RAD9B: variants seen among roughly 807,000 people sequenced by gnomAD.
RAD9B encodes RAD9 checkpoint clamp component B, also known as cell cycle checkpoint control protein RAD9B.
A neutral mutation model predicts 48.3 loss-of-function variants in RAD9B; 41 were observed. The observed-to-expected ratio is 0.85, with a 90% confidence interval of 0.66 to 1.10. The LOEUF (loss-of-function observed/expected upper bound fraction) is 1.10. Ranked by LOEUF, RAD9B falls within the 50% of genes least tolerant of loss-of-function variation. The pLI, the probability that RAD9B is intolerant of heterozygous loss-of-function variation, is 0.00. For synonymous variants in RAD9B, 160 were observed against 157.9 expected, an observed-to-expected ratio of 1.01 and a Z score of -0.10; for missense variants, 444 against 485.1, an observed-to-expected ratio of 0.92 and a Z score of 0.80.
intron 3 of RAD9B, 115 bp downstream of exon 3, chr12:110,505,887 T>C: frequency 1.3e-6 from 1 of 771,632 alleles, no homozygotes; most frequent in Non-Finnish European, 1.9e-6. Flanking sequence ...ATCTGTTCAT[T>C]ATTATTATTA....
intron 4 of RAD9B, among the ~76,000 whole-genome samples, chr12:110,511,014 AAAG>A: frequency 1.3e-5 from 2 of 152,266 alleles, no homozygotes; most frequent in Non-Finnish European, 2.9e-5. Context: ...AGAGAAAAGA[AAAG>A]AAAAGAATTA....
intron 1 of RAD9B, chr12:110,503,149 G>A (rs2063143998): frequency 6.6e-6 from 1 of 152,570 alleles, no homozygotes. Flanking sequence ...GGAAGGCTGA[G>A]GCGAGAGGAT....
chr12:110,513,934 A>C (rs548228336), intron 5 of RAD9B, among the ~76,000 whole-genome samples: 20 of 151,998 alleles, frequency 1.3e-4, no homozygotes, highest in Non-Finnish European at 2.6e-4. Flanking sequence ...CATGTTGCTC[A>C]GGCTGATTGA....
rs144645791 is a variant in RAD9B, at chr12:110,528,202, C to A, written c.1126-2323C>A. ...ACGGGCTTCAGTGAGGCAATAGTCA[C>A]CCAATTGTAGCATCTGAGAGATGGT... On this transcript the variant is annotated intron_variant, in intron 10 of 10. Transcript: ENST00000409300. Among the ~76,000 whole-genome samples the A allele has an allele frequency of 1.2e-3, 183 of 152,222 alleles. 1 individual carries two copies. The highest frequency in any genetic ancestry group is 2.0e-3 in the Non-Finnish European group (135 of 68,026).
Position 110,531,509 on chromosome 12 carries a change from T to C in RAD9B, c.*856T>C. ...GCCCAACCTGGAGTGTTTTTACATA[T>C]TGTAAAATTTTATTTCCTAACCTCA... is the stretch of plus-strand genomic sequence containing the variant. On this transcript the variant is annotated 3_prime_UTR_variant, in exon 11 of 11. Transcript: ENST00000409300. 1 of 1,169,848 alleles carries C rather than the reference T, an allele frequency of 8.5e-7. No homozygotes were observed. The highest frequency in any genetic ancestry group is 1.3e-6 in the Non-Finnish European group (1 of 794,060). 72.5% of individuals were successfully genotyped at this position (1,169,848 alleles called of 1,614,324 possible). A position where few individuals can be genotyped will look rare whatever the true frequency, so the allele number is the denominator to read the frequency against.
chr12:110,530,534 A>G lies in RAD9B; in HGVS notation c.1135A>G (p.Met379Val). The part of the protein sequence containing the change: ...GSLCLRKFSC[M>V]FFGAVSSDQQ... ...CCTTTTTTCCCTCCAGTTTTCTTGCATGTTCTTTGGAGCAGTTTCTTCTGA... is the reference window on the plus strand; with the variant it reads ...CCTTTTTTCCCTCCAGTTTTCTTGCGTGTTCTTTGGAGCAGTTTCTTCTGA... The change falls in exon 11 of 11, where the codon ATG (methionine) becomes GTG (valine). Residue 379 changes from methionine to valine, a missense_variant. Coordinates refer to ENST00000409300, the MANE Select transcript of RAD9B (RefSeq NM_001286535.2). 1 of 1,613,746 alleles carries G rather than the reference A, an allele frequency of 6.2e-7. No individual in the cohort carries two copies. The highest frequency in any genetic ancestry group is 8.5e-7 in the Non-Finnish European group (1 of 1,179,808).
chr12:110,514,253 C>T (rs1456148643), intron 5 of RAD9B, among the ~76,000 whole-genome samples: 1 of 151,512 alleles, frequency 6.6e-6, no homozygotes, highest in African/African-American at 2.4e-5. Flanking sequence ...AGATTAACAA[C>T]AAGATTACAT....
chr12:110,512,039 G>T (rs1165712218), intron 4 of RAD9B, among the ~76,000 whole-genome samples: 1 of 151,746 alleles, frequency 6.6e-6, no homozygotes, highest in African/African-American at 2.4e-5. Flanking sequence ...TAGAGACGGA[G>T]TTTCACCATG....
chr12:110,527,313 A>G (rs567556077), intron 10 of RAD9B, among the ~76,000 whole-genome samples: 1 of 152,322 alleles, frequency 6.6e-6, no homozygotes, highest in South Asian at 2.1e-4. Flanking sequence ...CCACCTGGCT[A>G]TTCCACATCA....
intron 10 of RAD9B, among the ~76,000 whole-genome samples, chr12:110,530,191 C>T (rs563107832): frequency 4.6e-5 from 7 of 152,162 alleles, no homozygotes; most frequent in South Asian, 2.1e-4. Flanking sequence ...TACAGGTGTC[C>T]GCCACCACAC....
intron 4 of RAD9B, among the ~76,000 whole-genome samples, chr12:110,510,734 C>T (rs2063434455): frequency 6.6e-6 from 1 of 152,132 alleles, no homozygotes; most frequent in Admixed American, 6.6e-5. Flanking sequence ...TACCTCTCCT[C>T]TTCCTCTAAA....
chr12:110,519,783 G>C lies in RAD9B; in HGVS notation c.768-11G>C. The C allele has an allele frequency of 6.3e-7, 1 of 1,599,762 alleles. No homozygotes were observed. The highest frequency in any genetic ancestry group is 8.5e-7 in the Non-Finnish European group (1 of 1,175,440). ...ATGAGTGTCACTGTTGCTCTGACTTGGCTTTTTTAGACCTCTGGCTTTGAG... is the reference window on the plus strand; with the variant it reads ...ATGAGTGTCACTGTTGCTCTGACTTCGCTTTTTTAGACCTCTGGCTTTGAG... On this transcript the variant is annotated splice_polypyrimidine_tract_variant and intron_variant, in intron 8 of 10. Coordinates refer to ENST00000409300, the MANE Select transcript of RAD9B (RefSeq NM_001286535.2).
Position 110,531,482 on chromosome 12 carries a change from G to T in RAD9B, c.*829G>T. ...GCTGGGATTACAGACTTGAGCCACT[G>T]CGCCCAACCTGGAGTGTTTTTACAT... is the stretch of plus-strand genomic sequence containing the variant. On this transcript the variant is annotated 3_prime_UTR_variant, in exon 11 of 11. Coordinates refer to ENST00000409300, the MANE Select transcript of RAD9B (RefSeq NM_001286535.2). 1 of 899,862 alleles carries T rather than the reference G, an allele frequency of 1.1e-6. No individual in the cohort carries two copies. Among genetic ancestry groups the T allele is most frequent in the Admixed American group, 2.2e-5 (1 of 45,484 alleles). 55.7% of individuals were successfully genotyped at this position (899,862 alleles called of 1,614,324 possible).
At chr12:110,521,742 G>C (rs1310840403) in intron 9 of RAD9B, among the ~76,000 whole-genome samples, 1 of 151,772 alleles carries the variant, frequency 6.6e-6, no homozygotes, top group Non-Finnish European at 1.5e-5. Flanking sequence ...ATTTTTAGTA[G>C]AGACGAGGTT....
Position 110,531,116 on chromosome 12 carries a change from G to A in RAD9B, c.*463G>A. On this transcript the variant is annotated 3_prime_UTR_variant, in exon 11 of 11. Transcript: ENST00000409300. ...CTCATGTAATACCATGGCCTTTTTT[G>A]TGCATTGTTTTTTATATTTTAAGAC... is the stretch of plus-strand genomic sequence containing the variant. 2.0e-6 allele frequency: 2 copies of A among 993,286 alleles called. No individual in the cohort carries two copies. The highest frequency in any genetic ancestry group is 9.0e-5 in the South Asian group (2 of 22,268). The allele number at this position is 993,286 out of a possible 1,614,324, so 61.5% of individuals were successfully genotyped here.
At chr12:110,517,378 A>G (rs1421186064) in intron 6 of RAD9B, among the ~76,000 whole-genome samples, 4 of 151,688 alleles carry the variant, frequency 2.6e-5, no homozygotes, top group African/African-American at 9.7e-5. Context: ...TAATCCCAGA[A>G]CTTTGGGAGG....
At chr12:110,528,257 G>A (rs1430441978) in intron 10 of RAD9B, among the ~76,000 whole-genome samples, 3 of 152,038 alleles carry the variant, frequency 2.0e-5, no homozygotes, top group African/African-American at 4.8e-5. Flanking sequence ...GGAGAGAGGC[G>A]GCTGAAATAG....
chr12:110,507,753 C>G (rs957221008), intron 4 of RAD9B, among the ~76,000 whole-genome samples: 1 of 150,978 alleles, frequency 6.6e-6, no homozygotes, highest in African/African-American at 2.4e-5. Context: ...TGGGTTCAAG[C>G]AATTCTCCTG....
intron 1 of RAD9B, chr12:110,502,625 T>A: frequency 3.8e-6 from 2 of 522,028 alleles, no homozygotes; most frequent in Non-Finnish European, 6.8e-6. Context: ...AGTTGTACCA[T>A]CGGGCCACAA....
Sources: allele counts gnomAD v4.1 joint callset (sites outside exome capture counted in the v4.1 genomes callset), GRCh38; gene constraint gnomAD v4.1.1; transcripts MANE v1.5; gene names NCBI Gene and HGNC (gene_info 2026-07-23, HGNC 2026-07-21).